PCDHA4: variants seen among roughly 807,000 people sequenced by gnomAD.
PCDHA4 encodes protocadherin alpha 4, also known as protocadherin alpha-4.
A neutral mutation model predicts 61.4 loss-of-function variants in PCDHA4; 49 were observed. The ratio of observed to expected loss-of-function variants is 0.80; its 90% CI spans 0.63 to 1.01. The LOEUF (loss-of-function observed/expected upper bound fraction) is 1.01, where lower values mean the gene tolerates loss of function less well. PCDHA4 is among the 50% of genes least tolerant of loss of function. The pLI, the probability that PCDHA4 is intolerant of heterozygous loss-of-function variation, is 0.00. For synonymous variants in PCDHA4, 590 were observed against 550.3 expected (o/e 1.07, Z -1.01); for missense variants, 1,254 against 1,235.8 (o/e 1.01, Z -0.22).
chr5:140,823,732 CA>C, intron 1 of PCDHA4: 1 of 1,613,860 alleles, frequency 6.2e-7, no homozygotes, highest in Non-Finnish European at 8.5e-7. Context: ...GGTGAAGGAC[CA>C]TGGAGAGCCC....
chr5:140,829,498 G>T, intron 1 of PCDHA4: 1 of 1,613,570 alleles, frequency 6.2e-7, no homozygotes, highest in Non-Finnish European at 8.5e-7. Context: ...AGAACAACCC[G>T]CCGGGCTGCC....
At position 140,808,844 on chromosome 5, in the gene PCDHA4, G is replaced by T; in HGVS notation, c.1657G>T (p.Val553Leu). ...PPLGSNVTLQVFVLDENDNAP... is the reference protein window; with the variant it reads ...PPLGSNVTLQLFVLDENDNAP... ...TCTGGGCAGCAACGTGACGCTGCAG[G>T]TGTTCGTGCTGGACGAAAACGACAA... The change falls in exon 1 of 4, where the codon GTG becomes TTG. Residue 553 changes from valine to leucine, a missense_variant. Coordinates refer to ENST00000530339, the MANE Select transcript of PCDHA4 (RefSeq NM_018907.4). 6.2e-7 allele frequency: 1 copy of T among 1,613,174 alleles called. No individual in the cohort carries two copies. Among genetic ancestry groups the T allele is most frequent in the African/African-American group, 1.3e-5 (1 of 75,062 alleles).
At chr5:140,942,539 TG>T (rs1370746759) in intron 1 of PCDHA4, among the ~76,000 whole-genome samples, 2 of 151,338 alleles carry the variant, frequency 1.3e-5, no homozygotes, top group Admixed American at 6.6e-5. Flanking sequence ...CTCAGTATGG[TG>T]GGGGGTAGGG....
At chr5:140,971,682 T>C (rs782404162) in intron 1 of PCDHA4, among the ~76,000 whole-genome samples, 5 of 152,156 alleles carry the variant, frequency 3.3e-5, no homozygotes, top group Non-Finnish European at 4.4e-5. Flanking sequence ...AGTAAGGGAA[T>C]TTGTACTCAC....
intron 1 of PCDHA4, chr5:140,830,827 A>G (rs1334239168): frequency 6.4e-6 from 1 of 155,422 alleles, no homozygotes; most frequent in African/African-American, 2.4e-5. Context: ...TTTGAGCTTT[A>G]GGATAATTTT....
At chr5:140,859,740 G>A (rs2045997689) in intron 1 of PCDHA4, 1 of 154,064 alleles carries the variant, frequency 6.5e-6, no homozygotes. Flanking sequence ...ATTTAAGCAT[G>A]GCATTCTTTC....
intron 1 of PCDHA4, among the ~76,000 whole-genome samples, chr5:140,833,300 C>T (rs1475529719): frequency 1.3e-5 from 2 of 152,266 alleles, no homozygotes; most frequent in Admixed American, 6.5e-5. Context: ...TGAATACAGA[C>T]ATAATTATTT....
At chr5:140,931,951 G>A (rs1366094994) in intron 1 of PCDHA4, among the ~76,000 whole-genome samples, 1 of 151,826 alleles carries the variant, frequency 6.6e-6, no homozygotes, top group Non-Finnish European at 1.5e-5. Flanking sequence ...GAGTCTTACA[G>A]AATCATGTTG....
rs201945218 is a variant in PCDHA4 at position 140,849,444 on chromosome 5, A to C, written c.2385+39872A>C. On this transcript the variant is annotated intron_variant, in intron 1 of 3. Transcript: ENST00000530339. Reference sequence around the variant, plus strand: ...GGATTTTGAAGAAAGTAGAGCACACAAGATCCCAGTCGAGGCTGTCGATAA... The same window carrying C: ...GGATTTTGAAGAAAGTAGAGCACACCAGATCCCAGTCGAGGCTGTCGATAA... The C allele has an allele frequency of 1.8e-4, 290 of 1,585,348 alleles. 21 individuals carry two copies. The highest frequency in any genetic ancestry group is 2.4e-4 in the Non-Finnish European group (278 of 1,160,480).
rs782568393 is a variant in PCDHA4 at position 141,011,637 on chromosome 5, C to G, written c.*1700C>G. The G allele has an allele frequency of 2.0e-5, 3 of 153,526 alleles. No homozygotes were observed. Among genetic ancestry groups the G allele is most frequent in the Non-Finnish European group, 4.4e-5 (3 of 68,022 alleles). The allele number at this position is 153,526 out of a possible 1,614,324, so 9.5% of individuals were successfully genotyped here. ...GGTCCAGCCAAGAGCCATCTCGTGC[C>G]AAGACTTCTGCTGGCAAGGGAATGG... is the stretch of plus-strand genomic sequence containing the variant. On this transcript the variant is annotated 3_prime_UTR_variant, in exon 4 of 4. Transcript: ENST00000530339.
rs575152424 is a variant in PCDHA4 at position 140,895,872 on chromosome 5, C to T, written c.2386-83077C>T. Among the ~76,000 whole-genome samples, 3 of 152,222 alleles carry T rather than the reference C, an allele frequency of 2.0e-5. No homozygotes were observed. The South Asian group carries it at 6.2e-4, about 32-fold the overall frequency. ...TGTACCCCAGGCTGGAGTGCAATGG[C>T]GCGATCTCGGCTCACTGCAACCTCC... On this transcript the variant is annotated intron_variant, in intron 1 of 3. Transcript: ENST00000530339.
intron 1 of PCDHA4, among the ~76,000 whole-genome samples, chr5:140,840,970 A>G (rs1440529363): frequency 2.6e-5 from 4 of 152,082 alleles, no homozygotes; most frequent in African/African-American, 7.2e-5. Flanking sequence ...TTCCTTATGA[A>G]GAAGAAATCC....
At chr5:140,846,369 C>CTTTTTTTTTTT (rs797033964) in intron 1 of PCDHA4, among the ~76,000 whole-genome samples, 5 of 102,192 alleles carry the variant, frequency 4.9e-5, no homozygotes, top group African/African-American at 7.6e-5. Context: ...TCTTTTCTTT[C>CTTTTTTTTTTT]TTTCTTTTTT....
Position 140,968,348 on chromosome 5 carries a change from A to G in PCDHA4, c.2386-10601A>G, listed in dbSNP as rs782567344. The stretch of plus-strand genomic sequence containing the variant: ...CTCCTATGTCTCCATTAACAGTGCC[A>G]GTGGCAGCCTTTATGCTGTCAACTC... On this transcript the variant is annotated intron_variant, in intron 1 of 3. Coordinates refer to ENST00000530339, the MANE Select transcript of PCDHA4 (RefSeq NM_018907.4). 1 of 1,614,124 alleles carries G rather than the reference A, an allele frequency of 6.2e-7. No individual in the cohort carries two copies. The highest frequency in any genetic ancestry group is 2.2e-5 in the East Asian group (1 of 44,886).
chr5:140,916,046 C>T (rs2077416983), intron 1 of PCDHA4, among the ~76,000 whole-genome samples: 1 of 152,202 alleles, frequency 6.6e-6, no homozygotes, highest in Admixed American at 6.5e-5. Context: ...TTTCCACAGG[C>T]AGAGGTGCCT....
chr5:140,829,400 G>A, intron 1 of PCDHA4: 1 of 1,614,056 alleles, frequency 6.2e-7, no homozygotes, highest in Non-Finnish European at 8.5e-7. Context: ...TTCGCTGTGG[G>A]CCACCGCCAG....
chr5:140,860,895 G>A (rs185431284), intron 1 of PCDHA4: 2,100 of 152,348 alleles, frequency 0.014, 26 homozygotes, highest in Non-Finnish European at 0.02. Flanking sequence ...CCGCCAACAC[G>A]CCAGGCTAAT....
At chr5:140,836,779 AT>A (rs2150269832) in intron 1 of PCDHA4, 6 of 1,482,480 alleles carry the variant, frequency 4.0e-6, no homozygotes, top group Non-Finnish European at 5.5e-6. Context: ...TTTTAAAACA[AT>A]TAGTTCAATT....
At chr5:140,877,828 C>T (rs781916987) in intron 1 of PCDHA4, 19 of 1,599,838 alleles carry the variant, frequency 1.2e-5, no homozygotes, top group Non-Finnish European at 1.5e-5. Flanking sequence ...TTGTTTAAAT[C>T]CTCCCAGTGA....
Sources: allele counts gnomAD v4.1 joint callset (sites outside exome capture counted in the v4.1 genomes callset), GRCh38; gene constraint gnomAD v4.1.1; transcripts MANE v1.5; gene names NCBI Gene and HGNC (gene_info 2026-07-23, HGNC 2026-07-21).